PRDM5: variants seen among roughly 807,000 people sequenced by gnomAD.
PRDM5 encodes PR/SET domain 5.
Under a neutral mutation model 81.2 loss-of-function variants are expected in PRDM5, and 56 were observed. That is an observed-to-expected ratio of 0.69 (90% confidence interval 0.56 to 0.86). PRDM5 has a LOEUF of 0.86. Among genes scored for constraint, PRDM5 ranks in the 40% least tolerant of loss-of-function variants. The pLI, the probability that PRDM5 is intolerant of heterozygous loss-of-function variation, is 0.00. For synonymous variants in PRDM5, 267 were observed against 256.4 expected, an observed-to-expected ratio of 1.04 and a Z score of -0.39; for missense variants, 697 against 770.1, an observed-to-expected ratio of 0.91 and a Z score of 1.12.
intron 7 of PRDM5, among the ~76,000 whole-genome samples, chr4:120,815,832 C>G (rs1021359383): frequency 7.2e-5 from 11 of 152,172 alleles, no homozygotes; most frequent in Non-Finnish European, 1.5e-4. Flanking sequence ...CAACTCACTG[C>G]AATAGATTTA....
chr4:120,840,506 C>A (rs114103603), intron 3 of PRDM5, among the ~76,000 whole-genome samples: 30,268 of 152,062 alleles, frequency 0.2, 3,672 homozygotes, highest in Non-Finnish European at 0.28. Flanking sequence ...ACAGTGACTG[C>A]ATGGCTGGCC....
downstream of PRDM5, among the ~76,000 whole-genome samples, chr4:120,689,093 C>T (rs1733941094): frequency 6.6e-6 from 1 of 152,154 alleles, no homozygotes; most frequent in Admixed American, 6.6e-5. Flanking sequence ...AGATCTGTAG[C>T]TTAGAAAACT....
intron 13 of PRDM5, among the ~76,000 whole-genome samples, chr4:120,758,323 A>T (rs1320631110): frequency 6.6e-6 from 1 of 152,178 alleles, no homozygotes; most frequent in African/African-American, 2.4e-5. Flanking sequence ...CAATAGATAC[A>T]TGGTCACTTG....
At chr4:120,872,174 A>AAAAAAAAAAAAAAAAAAAAAAAG (rs1761900183) in intron 2 of PRDM5, among the ~76,000 whole-genome samples, 1 of 141,268 alleles carries the variant, frequency 7.1e-6, no homozygotes, top group Non-Finnish European at 1.6e-5. Flanking sequence ...AAAAAAAAAA[A>AAAAAAAAAAAAAAAAAAAAAAAG]CCTGTACAGA....
intron 10 of PRDM5, among the ~76,000 whole-genome samples, chr4:120,795,547 A>G (rs1751220976): frequency 1.3e-5 from 2 of 151,864 alleles, no homozygotes; most frequent in African/African-American, 2.4e-5. Context: ...TTGAACCCAT[A>G]TAACTGGCAA....
At chr4:120,739,907 A>C (rs1257549888) in intron 14 of PRDM5, among the ~76,000 whole-genome samples, 2 of 152,278 alleles carry the variant, frequency 1.3e-5, no homozygotes, top group Non-Finnish European at 2.9e-5. Context: ...TGGGTTGATG[A>C]CCATCAGAAA....
intron 14 of PRDM5, among the ~76,000 whole-genome samples, chr4:120,736,642 C>T (rs1741169902): frequency 6.6e-6 from 1 of 152,202 alleles, no homozygotes; most frequent in Admixed American, 6.5e-5. Context: ...TACTCCACGA[C>T]CCACCCATAT....
chr4:120,759,417 G>C (rs544981985), intron 13 of PRDM5, among the ~76,000 whole-genome samples: 1 of 152,148 alleles, frequency 6.6e-6, no homozygotes, highest in Non-Finnish European at 1.5e-5. Flanking sequence ...TTTGGACTCC[G>C]AGGACAAAGC....
Position 120,702,732 on chromosome 4 carries a change from T to C in PRDM5, c.1729-7457A>G, listed in dbSNP as rs559158636. On this transcript the variant is annotated intron_variant, in intron 15 of 15. Coordinates refer to ENST00000264808, the MANE Select transcript of PRDM5 (RefSeq NM_018699.4). The stretch of plus-strand genomic sequence containing the variant: ...GGAGAGTATTTTCAAGTGAAAGAAA[T>C]GCTAAATTGTTTTTATAAGTATATA... Among the ~76,000 whole-genome samples the C allele has an allele frequency of 5.2e-4, 79 of 152,290 alleles. 1 individual carries two copies. Among genetic ancestry groups the C allele is most frequent in the Non-Finnish European group, 2.9e-4 (20 of 68,030 alleles).
At chr4:120,709,362 C>T (rs1215960236) in intron 15 of PRDM5, among the ~76,000 whole-genome samples, 1 of 152,166 alleles carries the variant, frequency 6.6e-6, no homozygotes, top group Non-Finnish European at 1.5e-5. Context: ...TCTTCCTCTA[C>T]AACTGTTTCT....
In PRDM5 at chr4:120,754,761, G is replaced by T. The variant is rs1009140751; in HGVS notation, c.1538-123C>A. ...ATGCCCTGTGCTACTTCAAGAAGTG[G>T]CTCCAGGCACAGCAGGGCAGATCCA... is the stretch of plus-strand genomic sequence containing the variant. On this transcript the variant is annotated intron_variant, in intron 13 of 15. Transcript: ENST00000264808. 6.9e-5 allele frequency: 51 copies of T among 742,688 alleles called. No homozygotes were observed. In the African/African-American group the frequency reaches 7.7e-4, roughly 11 times the overall value. The allele number at this position is 742,688 out of a possible 1,614,324, so 46.0% of individuals were successfully genotyped here. A position where few individuals can be genotyped will look rare whatever the true frequency, so the allele number is the denominator to read the frequency against.
At chr4:120,695,729 C>T (rs1734448515) in intron 15 of PRDM5, among the ~76,000 whole-genome samples, 1 of 152,008 alleles carries the variant, frequency 6.6e-6, no homozygotes. Context: ...AGGAAGGTAA[C>T]AAGTTTATTT....
Position 120,883,781 on chromosome 4 carries a change from G to C in PRDM5, c.177+23693C>G, listed in dbSNP as rs372965031. 9.2e-5 allele frequency among the ~76,000 whole-genome samples: 14 copies of C among 152,272 alleles called. No homozygotes were observed. In the East Asian group the frequency reaches 2.5e-3, roughly 27 times the overall value. On this transcript the variant is annotated intron_variant, in intron 2 of 15. Transcript: ENST00000264808. The stretch of plus-strand genomic sequence containing the variant: ...TTAATATAAGGACTTAATGTGTTTA[G>C]AAGATTACTTAGAGAATCATAGCTC...
intron 3 of PRDM5, among the ~76,000 whole-genome samples, chr4:120,832,963 A>C (rs1303165217): frequency 6.6e-6 from 1 of 152,140 alleles, no homozygotes; most frequent in Non-Finnish European, 1.5e-5. Flanking sequence ...AGATAGCTGA[A>C]AGTTTATTCA....
rs540179504 is a variant in PRDM5, at chr4:120,840,677, G to A, written c.300+12741C>T. ...GCCCCTCTCTGCCCAACCTGGGACC[G>A]CAATATGGGGCCCCTCTGTCCATCA... On this transcript the variant is annotated intron_variant, in intron 3 of 15. Transcript: ENST00000264808. Among the ~76,000 whole-genome samples, 11 of 152,204 alleles carry A rather than the reference G, an allele frequency of 7.2e-5. No homozygotes were observed. The East Asian group carries it at 1.7e-3, about 24-fold the overall frequency.
At chr4:120,906,376 A>G (rs1480437811) in intron 2 of PRDM5, among the ~76,000 whole-genome samples, 1 of 152,226 alleles carries the variant, frequency 6.6e-6, no homozygotes, top group African/African-American at 2.4e-5. Context: ...GCAATAGGCT[A>G]TACCCTATAG....
chr4:120,816,193 C>A, intron 7 of PRDM5: 1 of 510,014 alleles, frequency 2.0e-6, no homozygotes, highest in Non-Finnish European at 3.5e-6. Context: ...TGCATCTGAC[C>A]ACCCAAACAT....
At chr4:120,794,449 G>T (rs1751040820) in intron 10 of PRDM5, among the ~76,000 whole-genome samples, 1 of 151,638 alleles carries the variant, frequency 6.6e-6, no homozygotes, top group African/African-American at 2.4e-5. Flanking sequence ...CAGGCAAAGA[G>T]TGAACTGTAT....
chr4:120,840,322 G>A (rs1757872009), intron 3 of PRDM5, among the ~76,000 whole-genome samples: 1 of 152,138 alleles, frequency 6.6e-6, no homozygotes, highest in Admixed American at 6.5e-5. Flanking sequence ...TCAGGGCCCT[G>A]CCTGGGGAGG....
Sources: gnomAD v4.1 joint callset for allele counts (sites outside exome capture counted in the v4.1 genomes callset) on GRCh38, gnomAD v4.1.1 for gene constraint, MANE v1.5 for transcripts, NCBI Gene and HGNC (gene_info 2026-07-23, HGNC 2026-07-21) for gene names.